HADH: variants seen among roughly 807,000 people sequenced by gnomAD.
The protein encoded by HADH is hydroxyacyl-coenzyme A dehydrogenase, mitochondrial.
A neutral mutation model predicts 32.2 loss-of-function variants in HADH; 24 were observed. The ratio of observed to expected loss-of-function variants is 0.75; its 90% CI spans 0.54 to 1.05. The LOEUF is 1.05. Ranked by LOEUF, HADH falls within the 50% of genes least tolerant of loss-of-function variation. The pLI, the probability that HADH is intolerant of heterozygous loss-of-function variation, is 0.00. For synonymous variants in HADH, 139 were observed against 152.5 expected (o/e 0.91, Z 0.65); for missense variants, 350 against 397.1 (o/e 0.88, Z 1.01).
In HADH at chr4:108,009,775, G is replaced by A; in HGVS notation, c.149G>A (p.Gly50Asp). The A allele has an allele frequency of 6.2e-7, 1 of 1,613,338 alleles. No individual in the cohort carries two copies. The highest frequency in any genetic ancestry group is 2.2e-5 in the East Asian group (1 of 44,882). The part of the protein sequence containing the change: ...AGIAQVAAAT[G>D]HTVVLVDQTE... ...TTGCTCTAGGTTGCTGCAGCAACTG[G>A]TCACACAGTAGTGTTGGTAGACCAG... Residue 50 changes from glycine to aspartate, a missense_variant, in exon 2 of 8, where the codon GGT (glycine) becomes GAT (aspartate). By Grantham distance (94) the Gly-to-Asp change is moderately conservative (BLOSUM62 -1). Transcript: ENST00000309522.
At position 108,006,351 on chromosome 4, in the gene HADH, G is replaced by A. The variant is rs79059934; in HGVS notation, c.133-3408G>A. On this transcript the variant is annotated intron_variant, in intron 1 of 7. Coordinates refer to ENST00000309522, the MANE Select transcript of HADH (RefSeq NM_005327.7). ...GTAGACAGGGATAGGGATCAGAGCC[G>A]ACAGGTTATTTTAGGGCAGTGCTCA... Among the ~76,000 whole-genome samples the A allele has an allele frequency of 1.9e-3, 295 of 152,252 alleles. 5 individuals carry two copies. The East Asian group carries it at 0.052, about 27-fold the overall frequency.
Position 108,034,872 on chromosome 4 carries a change from T to C in HADH, c.*515T>C, listed in dbSNP as rs1736408754. 4 of 247,622 alleles carry C rather than the reference T, an allele frequency of 1.6e-5. No homozygotes were observed. Among genetic ancestry groups the C allele is most frequent in the Middle Eastern group, 1.6e-3 (1 of 640 alleles). 15.3% of individuals were successfully genotyped at this position (247,622 alleles called of 1,614,324 possible). On this transcript the variant is annotated 3_prime_UTR_variant, in exon 8 of 8. Coordinates refer to ENST00000309522, the MANE Select transcript of HADH (RefSeq NM_005327.7). ...CTTGCCCTACATTTTGGGCATGACA[T>C]AAGATGTGTCTTTATTCAGCTCGTC...
At chr4:108,005,856 A>T (rs1014848190) in intron 1 of HADH, among the ~76,000 whole-genome samples, 16 of 152,026 alleles carry the variant, frequency 1.1e-4, no homozygotes, top group Non-Finnish European at 2.1e-4. Context: ...TCTCTAGGAG[A>T]TTCAAGATTT....
At chr4:108,009,717 T>G in intron 1 of HADH, 42 bp from the exon 2 acceptor site, 1 of 1,605,870 alleles carries the variant, frequency 6.2e-7, no homozygotes, top group Non-Finnish European at 8.5e-7. Context: ...GCGTGTTATG[T>G]TTTCTTTCTT....
intron 4 of HADH, 22 bp from the exon 5 acceptor site, chr4:108,023,452 A>G: frequency 6.8e-7 from 1 of 1,479,770 alleles, no homozygotes; most frequent in South Asian, 1.1e-5. Context: ...TCTGGTCATA[A>G]TTCTCTGCTT....
intron 1 of HADH, among the ~76,000 whole-genome samples, chr4:107,997,146 G>A (rs891943963): frequency 2.0e-5 from 3 of 152,188 alleles, no homozygotes; most frequent in Non-Finnish European, 4.4e-5. Context: ...CTGTTAAGGC[G>A]CTGCAGCCTC....
At chr4:108,008,325 C>G (rs1462646994) in intron 1 of HADH, among the ~76,000 whole-genome samples, 1 of 152,186 alleles carries the variant, frequency 6.6e-6, no homozygotes, top group African/African-American at 2.4e-5. Context: ...CGTTTTCATG[C>G]CTTGGTTCCC....
At position 108,019,593 on chromosome 4, in the gene HADH, A is replaced by T. The variant is rs1560733799; in HGVS notation, c.473A>T (p.Asn158Ile). 6.2e-7 allele frequency: 1 copy of T among 1,614,106 alleles called. No individual in the cohort carries two copies. Residue 158 changes from asparagine (N) to isoleucine (I), a missense_variant, in exon 4 of 8, where the codon AAT becomes ATT. Physicochemically the swap from Asn to Ile is moderately radical, Grantham distance 149. Coordinates refer to ENST00000309522, the MANE Select transcript of HADH (RefSeq NM_005327.7). ...TSSLQITSIANATTRQDRFAG... is the reference protein window; with the variant it reads ...TSSLQITSIAIATTRQDRFAG... ...TCCTTGCAGATTACAAGCATAGCTA[A>T]TGCCACCACCAGACAAGACCGATTC...
At chr4:108,020,406 G>C (rs1735843763) in intron 4 of HADH, among the ~76,000 whole-genome samples, 1 of 152,172 alleles carries the variant, frequency 6.6e-6, no homozygotes, top group Non-Finnish European at 1.5e-5. Context: ...GGAGGTTGAG[G>C]CTGCAGTGAG....
At chr4:108,003,819 A>C (rs1002814549) in intron 1 of HADH, among the ~76,000 whole-genome samples, 3 of 152,080 alleles carry the variant, frequency 2.0e-5, no homozygotes, top group Non-Finnish European at 4.4e-5. Flanking sequence ...ATTAAAAAAA[A>C]AAAAAAACAA....
intron 4 of HADH, among the ~76,000 whole-genome samples, chr4:108,020,105 C>T (rs1560734119): frequency 1.3e-5 from 2 of 152,152 alleles, no homozygotes; most frequent in African/African-American, 4.8e-5. Context: ...TTAATTCTGA[C>T]CCCATGTAAT....
Position 108,014,526 on chromosome 4 carries a change from C to T in HADH, c.357C>T (p.Ala119=). The change falls in exon 3 of 8, where the codon GCC becomes GCT. Residue 119 remains alanine, a synonymous_variant. Transcript: ENST00000309522. Reference sequence around the variant, plus strand: ...ACAGCACAGACTTGGTGGTGGAAGCCATCGTGGAGAATCTGAAGGTGAAAA... The same window carrying T: ...ACAGCACAGACTTGGTGGTGGAAGCTATCGTGGAGAATCTGAAGGTGAAAA... ...VVHSTDLVVE[A]IVENLKVKNE... The T allele has an allele frequency of 1.2e-6, 2 of 1,614,086 alleles. No homozygotes were observed. Among genetic ancestry groups the T allele is most frequent in the Non-Finnish European group, 1.7e-6 (2 of 1,179,978 alleles).
chr4:108,034,501 A>G lies in HADH; in HGVS notation c.*144A>G. 1 of 723,022 alleles carries G rather than the reference A, an allele frequency of 1.4e-6. No individual in the cohort carries two copies. The highest frequency in any genetic ancestry group is 2.6e-6 in the Non-Finnish European group (1 of 386,914). 44.8% of individuals were successfully genotyped at this position (723,022 alleles called of 1,614,324 possible). ...GTGCATTTTGATTGTAATCTATCGA[A>G]GTGATTATTACACCAGTTACAGCAG... On this transcript the variant is annotated 3_prime_UTR_variant, in exon 8 of 8. Coordinates refer to ENST00000309522, the MANE Select transcript of HADH (RefSeq NM_005327.7).
intron 1 of HADH, among the ~76,000 whole-genome samples, chr4:107,994,583 A>T (rs574844492): frequency 1.3e-5 from 2 of 152,318 alleles, no homozygotes; most frequent in East Asian, 3.9e-4. Context: ...AGCAGTACAG[A>T]TGCCTAGGAG....
At chr4:108,014,740 A>T in intron 3 of HADH, 152 bp downstream of exon 3, 1 of 707,118 alleles carries the variant, frequency 1.4e-6, no homozygotes. Context: ...CTTTTAGTAT[A>T]CCCATCACCC....
intron 3 of HADH, among the ~76,000 whole-genome samples, chr4:108,016,560 C>T: frequency 6.6e-6 from 1 of 152,086 alleles, no homozygotes; most frequent in Non-Finnish European, 1.5e-5. Context: ...ACAGCCACCC[C>T]AAAAAAGGGA....
intron 4 of HADH, among the ~76,000 whole-genome samples, 159 bp downstream of exon 4, chr4:108,019,825 C>T (rs1277829891): frequency 6.6e-6 from 1 of 152,152 alleles, no homozygotes. Flanking sequence ...GGCTTCTATG[C>T]TTTGTTTCTT....
At chr4:108,027,245 G>T in intron 5 of HADH, 1 of 220,538 alleles carries the variant, frequency 4.5e-6, no homozygotes, top group Non-Finnish European at 9.2e-6. Flanking sequence ...GGAATAAAGG[G>T]ATGGGTGTAG....
At chr4:108,005,146 T>C (rs1039490682) in intron 1 of HADH, 2 of 328,348 alleles carry the variant, frequency 6.1e-6, no homozygotes, top group Non-Finnish European at 1.1e-5. Context: ...AATCAAGCCA[T>C]TGTTTTTCAA....
Sources: allele counts gnomAD v4.1 joint callset (sites outside exome capture counted in the v4.1 genomes callset), GRCh38; gene constraint gnomAD v4.1.1; transcripts MANE v1.5; gene names NCBI Gene and HGNC (gene_info 2026-07-23, HGNC 2026-07-21).